CCM2: variants seen among roughly 807,000 people sequenced by gnomAD.
The protein encoded by CCM2 is CCM2 scaffold protein, also known as cerebral cavernous malformations 2 protein.
In CCM2, 25 loss-of-function variants were observed where a neutral mutation model predicts 44.9. The ratio of observed to expected loss-of-function variants is 0.56; its 90% CI spans 0.41 to 0.78. The LOEUF (loss-of-function observed/expected upper bound fraction) is 0.78, where lower values mean the gene tolerates loss of function less well. Among genes scored for constraint, CCM2 ranks in the 30% least tolerant of loss-of-function variants. The pLI is 0.00. For missense variants in CCM2, 481 were observed against 580.6 expected (o/e 0.83, Z 1.76); for synonymous variants, 219 against 241.1 (o/e 0.91, Z 0.85).
At chr7:45,038,464 G>A (rs1256010902) in intron 2 of CCM2, 38 bp downstream of exon 2, 8 of 1,604,426 alleles carry the variant, frequency 5.0e-6, no homozygotes, top group Admixed American at 1.7e-5. Context: ...CCTGCCAAAC[G>A]ACAGTGACGG....
chr7:45,070,400 G>C (rs1799008945), intron 6 of CCM2: 2 of 454,722 alleles, frequency 4.4e-6, no homozygotes, highest in Non-Finnish European at 8.8e-6. Flanking sequence ...ACCATGGCCA[G>C]ACCCATGGGA....
chr7:45,018,181 G>A (rs1180027808), intron 1 of CCM2, among the ~76,000 whole-genome samples: 1 of 152,134 alleles, frequency 6.6e-6, no homozygotes, highest in East Asian at 1.9e-4. Context: ...TGATCTCACA[G>A]GAGGCGGGGC....
chr7:45,000,337 G>A lies in CCM2; in HGVS notation c.4G>A (p.Glu2Lys). ...CGCGGGAGCCGCACGCGGCGATATG[G>A]AAGAGGAGGGCAAGAAGGGCAAGAA... is the stretch of plus-strand genomic sequence containing the variant. Reference protein sequence around the residue: MEEEGKKGKKPG... With the variant: MKEEGKKGKKPG... Residue 2 changes from glutamate to lysine, a missense_variant, in exon 1 of 10, where the codon GAA becomes AAA. Physicochemically the swap from Glu to Lys is moderately conservative, Grantham distance 56. Coordinates refer to ENST00000258781, the MANE Select transcript of CCM2 (RefSeq NM_031443.4). 7.7e-7 allele frequency: 1 copy of A among 1,292,886 alleles called. No homozygotes were observed. Among genetic ancestry groups the A allele is most frequent in the Non-Finnish European group, 9.9e-7 (1 of 1,013,032 alleles). 80.1% of individuals were successfully genotyped at this position (1,292,886 alleles called of 1,614,324 possible). A position where few individuals can be genotyped will look rare whatever the true frequency, so the allele number is the denominator to read the frequency against.
chr7:45,046,892 C>G (rs1313467127), intron 2 of CCM2, among the ~76,000 whole-genome samples: 1 of 152,062 alleles, frequency 6.6e-6, no homozygotes, highest in African/African-American at 2.4e-5. Flanking sequence ...AACAAACAAT[C>G]CGATTAAGAC....
At chr7:45,074,902 C>T (rs752351937) in intron 9 of CCM2, among the ~76,000 whole-genome samples, 10 of 152,224 alleles carry the variant, frequency 6.6e-5, no homozygotes, top group Non-Finnish European at 1.5e-4. Context: ...ATGTTGGCCC[C>T]ACACCTCTCA....
intron 2 of CCM2, among the ~76,000 whole-genome samples, chr7:45,052,653 T>G (rs1347302453): frequency 6.6e-6 from 1 of 152,210 alleles, no homozygotes; most frequent in Admixed American, 6.5e-5. Context: ...TACCCAAGAT[T>G]GTTTATCCAC....
rs1799221641 is a variant in CCM2, at chr7:45,074,068, C to T, written c.916-202C>T. 3.4e-5 allele frequency: 38 copies of T among 1,127,108 alleles called. No homozygotes were observed. In the South Asian group the frequency reaches 4.4e-4, roughly 13 times the overall value. The allele number at this position is 1,127,108 out of a possible 1,614,324, so 69.8% of individuals were successfully genotyped here. On this transcript the variant is annotated intron_variant, in intron 8 of 9. Transcript: ENST00000258781. The stretch of plus-strand genomic sequence containing the variant: ...TCAGGAGAGTGGAGCTGCCCGGGTG[C>T]CTTGGTCTCCTCTGGGTGGCCCCGT...
intron 1 of CCM2, among the ~76,000 whole-genome samples, chr7:45,022,126 A>C (rs1160509930): frequency 6.6e-6 from 1 of 152,124 alleles, no homozygotes; most frequent in Non-Finnish European, 1.5e-5. Context: ...TGGTTACAGT[A>C]AGTGAGGGGA....
chr7:45,073,362 CA>C, intron 7 of CCM2, 97 bp from the exon 8 acceptor site: 1 of 772,276 alleles, frequency 1.3e-6, no homozygotes, highest in Non-Finnish European at 2.3e-6. Flanking sequence ...TGTTCAAGGA[CA>C]GGGACCCACA....
chr7:45,056,452 C>G (rs1455228020), intron 2 of CCM2, among the ~76,000 whole-genome samples: 1 of 152,116 alleles, frequency 6.6e-6, no homozygotes, highest in African/African-American at 2.4e-5. Context: ...CTCAGGAGTT[C>G]AAGACCAGCC....
chr7:45,050,521 T>G (rs1346091312), intron 2 of CCM2, among the ~76,000 whole-genome samples: 1 of 152,222 alleles, frequency 6.6e-6, no homozygotes, highest in Non-Finnish European at 1.5e-5. Flanking sequence ...TTCTCCACCC[T>G]CTGAGGAACG....
intron 2 of CCM2, among the ~76,000 whole-genome samples, chr7:45,055,483 T>TA (rs1158882656): frequency 1.3e-5 from 2 of 152,008 alleles, no homozygotes; most frequent in Non-Finnish European, 2.9e-5. Context: ...GGTCAGGAGT[T>TA]CAAGACCAGC....
chr7:45,066,547 C>T (rs2128748822), intron 4 of CCM2, among the ~76,000 whole-genome samples: 1 of 152,330 alleles, frequency 6.6e-6, no homozygotes, highest in South Asian at 2.1e-4. Context: ...GCAAGCAAGT[C>T]TCTGTGCCTC....
chr7:45,068,578 A>C lies in CCM2; in HGVS notation c.608A>C (p.Lys203Thr). Residue 203 changes from lysine to threonine, a missense_variant and splice_region_variant, in exon 5 of 10, where the codon AAG (lysine) becomes ACG (threonine). Lys to Thr is a moderately conservative substitution (Grantham distance 78, BLOSUM62 -1). Transcript: ENST00000258781. ...CCLVILAAES[K>T]VAAEELCCLL... ...CTGGTCATCCTGGCTGCAGAGAGCA[A>C]GGTGAGACTTTCTCGCCCCACTTAC... The C allele has an allele frequency of 6.2e-7, 1 of 1,613,922 alleles. No individual in the cohort carries two copies. Among genetic ancestry groups the C allele is most frequent in the Non-Finnish European group, 8.5e-7 (1 of 1,179,986 alleles).
At chr7:45,039,278 C>A (rs1242533376) in intron 2 of CCM2, among the ~76,000 whole-genome samples, 1 of 152,204 alleles carries the variant, frequency 6.6e-6, no homozygotes, top group East Asian at 1.9e-4. Flanking sequence ...CAAGTCAAAG[C>A]CTGTATGTGG....
chr7:45,058,786 T>A (rs536855890), intron 2 of CCM2, among the ~76,000 whole-genome samples: 20 of 151,906 alleles, frequency 1.3e-4, no homozygotes, highest in African/African-American at 4.6e-4. Flanking sequence ...AACGATATAT[T>A]TTTTTTTGAG....
At chr7:45,045,793 A>C (rs755959492) in intron 2 of CCM2, among the ~76,000 whole-genome samples, 13 of 152,224 alleles carry the variant, frequency 8.5e-5, no homozygotes, top group Non-Finnish European at 1.9e-4. Flanking sequence ...TTTGCCTCAA[A>C]AAAACAAAAC....
intron 2 of CCM2, among the ~76,000 whole-genome samples, chr7:45,048,783 T>C (rs145984827): frequency 6.6e-6 from 1 of 152,088 alleles, no homozygotes; most frequent in African/African-American, 2.4e-5. Context: ...ATTCTTTCTG[T>C]AGTTTCCATC....
rs776611347 is a variant in CCM2, at chr7:45,071,873, G to A, written c.746-853G>A. The A allele has an allele frequency of 1.5e-5, 7 of 456,546 alleles. 1 individual carries two copies. The highest frequency in any genetic ancestry group is 1.1e-4 in the South Asian group (7 of 64,562). 28.3% of individuals were successfully genotyped at this position (456,546 alleles called of 1,614,324 possible). A position where few individuals can be genotyped will look rare whatever the true frequency, so the allele number is the denominator to read the frequency against. On this transcript the variant is annotated intron_variant, in intron 6 of 9. Coordinates refer to ENST00000258781, the MANE Select transcript of CCM2 (RefSeq NM_031443.4). ...TCCAGGGTCATCTCCCTATTTCAAG[G>A]TCAGCTGATAAGCATCCTTTACTCC...
Sources: gnomAD v4.1 joint callset for allele counts (sites outside exome capture counted in the v4.1 genomes callset) on GRCh38, gnomAD v4.1.1 for gene constraint, MANE v1.5 for transcripts, NCBI Gene and HGNC (gene_info 2026-07-23, HGNC 2026-07-21) for gene names.